Variants in EXOC6B observed in about 807,000 individuals in gnomAD.
EXOC6B encodes SEC15 homolog B.
In EXOC6B, 54 loss-of-function variants were observed where a neutral mutation model predicts 113.5. That is an observed-to-expected ratio of 0.48 (90% CI 0.38 to 0.60). The LOEUF is 0.60. EXOC6B is among the 20% of genes least tolerant of loss of function. The probability of loss-of-function intolerance (pLI) is 0.00; values close to 1 mark genes in which losing one functional copy is unlikely to be tolerated. For missense variants in EXOC6B, 797 were observed against 977.5 expected, an observed-to-expected ratio of 0.82 and a Z score of 2.46; for synonymous variants, 357 against 339.0, an observed-to-expected ratio of 1.05 and a Z score of -0.58.
rs1452330237 is a variant in EXOC6B at position 72,702,989 on chromosome 2, T to C, written c.669+15114A>G. ...TGCCTTTGGTGTTTTAGACATGAAG[T>C]CCTTGCCCATGCCTATGTCCTGAAT... is the stretch of plus-strand genomic sequence containing the variant. On this transcript the variant is annotated intron_variant, in intron 6 of 21. Transcript: ENST00000272427. Among the ~76,000 whole-genome samples, 61 of 151,674 alleles carry C rather than the reference T, an allele frequency of 4.0e-4. 1 individual carries two copies. The highest frequency in any genetic ancestry group is 1.4e-3 in the African/African-American group (60 of 41,418).
chr2:72,255,467 G>A (rs944696554), intron 20 of EXOC6B, among the ~76,000 whole-genome samples: 9 of 152,232 alleles, frequency 5.9e-5, no homozygotes, highest in Non-Finnish European at 1.0e-4. Flanking sequence ...AGGCCTGGAA[G>A]GCAGCGCCAA....
At chr2:72,417,349 G>C (rs1360082816) in intron 18 of EXOC6B, among the ~76,000 whole-genome samples, 1 of 152,036 alleles carries the variant, frequency 6.6e-6, no homozygotes, top group Non-Finnish European at 1.5e-5. Flanking sequence ...GTAGAGGCAG[G>C]GTTTCACCAT....
intron 6 of EXOC6B, among the ~76,000 whole-genome samples, chr2:72,637,957 A>C (rs1246703741): frequency 1.3e-5 from 2 of 152,172 alleles, no homozygotes; most frequent in Non-Finnish European, 2.9e-5. Context: ...TAACCAGAAA[A>C]ACAAGAGTGA....
chr2:72,606,645 T>G (rs1436948031), intron 6 of EXOC6B, among the ~76,000 whole-genome samples: 1 of 151,968 alleles, frequency 6.6e-6, no homozygotes, highest in East Asian at 1.9e-4. Flanking sequence ...CTTTTTTTTT[T>G]TTAGACAGGG....
chr2:72,313,905 T>G (rs1472286614), intron 20 of EXOC6B, among the ~76,000 whole-genome samples: 1 of 152,212 alleles, frequency 6.6e-6, no homozygotes, highest in Non-Finnish European at 1.5e-5. Flanking sequence ...AATGTGCTAC[T>G]TGAGAACAGT....
At chr2:72,796,563 T>C (rs373057528) in intron 1 of EXOC6B, among the ~76,000 whole-genome samples, 1 of 152,134 alleles carries the variant, frequency 6.6e-6, no homozygotes, top group South Asian at 2.1e-4. Flanking sequence ...TTTATTCATC[T>C]TTCTATCCTG....
At chr2:72,543,594 G>A (rs1014051233) in intron 8 of EXOC6B, among the ~76,000 whole-genome samples, 1 of 152,016 alleles carries the variant, frequency 6.6e-6, no homozygotes, top group African/African-American at 2.4e-5. Context: ...TATGCCCATG[G>A]GTAATAAGGT....
chr2:72,209,051 C>T (rs899495346), intron 20 of EXOC6B, among the ~76,000 whole-genome samples: 1 of 151,506 alleles, frequency 6.6e-6, no homozygotes, highest in Middle Eastern at 3.2e-3. Context: ...TGGAGAAACC[C>T]CATCTCTACT....
chr2:72,370,664 A>G (rs1690942523), intron 19 of EXOC6B, among the ~76,000 whole-genome samples: 1 of 152,314 alleles, frequency 6.6e-6, no homozygotes, highest in Admixed American at 6.5e-5. Flanking sequence ...CATATACACC[A>G]TGGAATACTA....
intron 18 of EXOC6B, among the ~76,000 whole-genome samples, chr2:72,444,720 C>T (rs1389189253): frequency 6.6e-6 from 1 of 152,200 alleles, no homozygotes; most frequent in Non-Finnish European, 1.5e-5. Context: ...TGTAGCTTGG[C>T]CAGTTTTATT....
At chr2:72,518,384 G>C (rs1001511694) in intron 8 of EXOC6B, among the ~76,000 whole-genome samples, 1 of 152,014 alleles carries the variant, frequency 6.6e-6, no homozygotes, top group African/African-American at 2.4e-5. Flanking sequence ...TTGGCACACT[G>C]AGAACAGTAC....
chr2:72,436,776 T>G (rs1331585388), intron 18 of EXOC6B, among the ~76,000 whole-genome samples: 1 of 152,142 alleles, frequency 6.6e-6, no homozygotes, highest in Non-Finnish European at 1.5e-5. Flanking sequence ...TTTTCTAAAC[T>G]GGTTATTCTA....
chr2:72,521,473 T>C (rs1267740681), intron 8 of EXOC6B, among the ~76,000 whole-genome samples: 1 of 152,122 alleles, frequency 6.6e-6, no homozygotes, highest in African/African-American at 2.4e-5. Context: ...GTAAAAAATA[T>C]CTTCTGACTT....
At chr2:72,280,229 T>C (rs1685053155) in intron 20 of EXOC6B, among the ~76,000 whole-genome samples, 1 of 152,130 alleles carries the variant, frequency 6.6e-6, no homozygotes. Flanking sequence ...TTGAGAGTCC[T>C]ATCATAGATC....
At chr2:72,473,102 G>T (rs565244874) in intron 17 of EXOC6B, among the ~76,000 whole-genome samples, 3 of 152,026 alleles carry the variant, frequency 2.0e-5, no homozygotes, top group Non-Finnish European at 4.4e-5. Flanking sequence ...TTAATATATG[G>T]TCTATCTTGG....
chr2:72,762,906 G>A (rs936224895), intron 1 of EXOC6B, among the ~76,000 whole-genome samples: 1 of 151,970 alleles, frequency 6.6e-6, no homozygotes, highest in Non-Finnish European at 1.5e-5. Context: ...ATCAATGGGT[G>A]AAATGAAAAT....
chr2:72,307,285 G>A (rs1686934986), intron 20 of EXOC6B, among the ~76,000 whole-genome samples: 1 of 152,024 alleles, frequency 6.6e-6, no homozygotes, highest in Non-Finnish European at 1.5e-5. Flanking sequence ...GACTACAGGC[G>A]TGCACTACCA....
chr2:72,453,348 A>C (rs1413205059), intron 18 of EXOC6B, among the ~76,000 whole-genome samples: 4 of 152,176 alleles, frequency 2.6e-5, no homozygotes, highest in Non-Finnish European at 5.9e-5. Flanking sequence ...CTGAGAGAGA[A>C]GCTGTAAAGA....
intron 6 of EXOC6B, among the ~76,000 whole-genome samples, chr2:72,590,799 T>C (rs1414995429): frequency 1.3e-5 from 2 of 151,990 alleles, no homozygotes; most frequent in Non-Finnish European, 2.9e-5. Flanking sequence ...TTAAGAAGTG[T>C]CATAGGAAAA....
Sources: gnomAD v4.1 joint callset for allele counts (sites outside exome capture counted in the v4.1 genomes callset) on GRCh38, gnomAD v4.1.1 for gene constraint, MANE v1.5 for transcripts, NCBI Gene and HGNC (gene_info 2026-07-23, HGNC 2026-07-21) for gene names.